Variants in PDIA5 observed in about 807,000 individuals in gnomAD.
The protein encoded by PDIA5 is protein disulfide-isomerase A5.
PDIA5 carries 58 observed loss-of-function variants against 77.6 expected under a neutral mutation model. The observed-to-expected ratio is 0.75, with a 90% CI of 0.61 to 0.93. The LOEUF (loss-of-function observed/expected upper bound fraction) is 0.93. PDIA5 is among the 40% of genes least tolerant of loss of function. The pLI is 0.00. For missense variants in PDIA5, 630 were observed against 647.7 expected (o/e 0.97, Z 0.30); for synonymous variants, 250 against 252.1 (o/e 0.99, Z 0.08).
intron 11 of PDIA5, among the ~76,000 whole-genome samples, chr3:123,131,256 CAA>C (rs1935363712): frequency 6.6e-6 from 1 of 152,010 alleles, no homozygotes. Context: ...AGTAACCAAA[CAA>C]GACCCTGTCT....
Position 123,116,220 on chromosome 3 carries a change from C to A in PDIA5, c.542-11C>A. On this transcript the variant is annotated splice_polypyrimidine_tract_variant and intron_variant, in intron 7 of 16. Transcript: ENST00000316218. ...GTAACCGGATGTGGTCTCTCTCCTG[C>A]CTGTGACCAGGGTGCAGCATGTGCA... The A allele has an allele frequency of 6.2e-7, 1 of 1,613,276 alleles. No individual in the cohort carries two copies. Among genetic ancestry groups the A allele is most frequent in the Non-Finnish European group, 8.5e-7 (1 of 1,179,328 alleles).
rs369579933 is a variant in PDIA5, at chr3:123,152,763, G to A, written c.1274-2208G>A. ...CCCACCATGTCTGCCCCTGCATCCT[G>A]TCTCCCCAGCTTCTGCACAGCTCTT... On this transcript the variant is annotated intron_variant, in intron 14 of 16. Coordinates refer to ENST00000316218, the MANE Select transcript of PDIA5 (RefSeq NM_006810.4). Among the ~76,000 whole-genome samples, 19 of 152,074 alleles carry A rather than the reference G, an allele frequency of 1.2e-4. 1 individual carries two copies. The East Asian group carries it at 3.5e-3, about 28-fold the overall frequency.
chr3:123,083,109 G>T (rs1380998223), intron 1 of PDIA5, among the ~76,000 whole-genome samples: 1 of 151,886 alleles, frequency 6.6e-6, no homozygotes, highest in Non-Finnish European at 1.5e-5. Flanking sequence ...GCAGAGGTGG[G>T]CAGTGAGGAC....
At chr3:123,074,829 T>C (rs545513801) in intron 1 of PDIA5, among the ~76,000 whole-genome samples, 1 of 152,328 alleles carries the variant, frequency 6.6e-6, no homozygotes, top group African/African-American at 2.4e-5. Flanking sequence ...TCCATCCAAA[T>C]TCGTAGACTA....
At chr3:123,072,940 G>A (rs1365150269) in intron 1 of PDIA5, among the ~76,000 whole-genome samples, 1 of 150,250 alleles carries the variant, frequency 6.7e-6, no homozygotes, top group East Asian at 1.9e-4. Context: ...GTGTGTGTGT[G>A]TGTATGTGGT....
chr3:123,157,813 G>A (rs946754762), intron 15 of PDIA5, among the ~76,000 whole-genome samples: 1 of 152,248 alleles, frequency 6.6e-6, no homozygotes, highest in Non-Finnish European at 1.5e-5. Context: ...AAGTGTTAGT[G>A]TTGGAACAGA....
In PDIA5 at chr3:123,150,253, C is replaced by T; in HGVS notation, c.1162C>T (p.Pro388Ser). ...TTGCAGCCCTGAGGCCCCCCCGCCC[C>T]CAGAGCCCACGTGGGAAGAGCAGCA... Reference protein sequence around the residue: ...WMQNPEAPPPPEPTWEEQQTS... With the variant: ...WMQNPEAPPPSEPTWEEQQTS... Residue 388 changes from proline to serine, a missense_variant, in exon 14 of 17, where the codon CCA becomes TCA. Coordinates refer to ENST00000316218, the MANE Select transcript of PDIA5 (RefSeq NM_006810.4). 6.2e-7 allele frequency: 1 copy of T among 1,613,476 alleles called. No individual in the cohort carries two copies. The highest frequency in any genetic ancestry group is 1.1e-5 in the South Asian group (1 of 91,044).
At chr3:123,117,077 C>A (rs1935013646) in intron 8 of PDIA5, among the ~76,000 whole-genome samples, 1 of 151,838 alleles carries the variant, frequency 6.6e-6, no homozygotes, top group Non-Finnish European at 1.5e-5. Flanking sequence ...GGGTCAGTCA[C>A]CAAATGCTCC....
intron 10 of PDIA5, among the ~76,000 whole-genome samples, chr3:123,125,047 G>A (rs1426056797): frequency 6.6e-6 from 1 of 152,106 alleles, no homozygotes; most frequent in Non-Finnish European, 1.5e-5. Flanking sequence ...TGCTAGGCCT[G>A]CTGCTTTGTC....
chr3:123,089,020 G>A, intron 1 of PDIA5, 148 bp from the exon 2 acceptor site: 1 of 678,498 alleles, frequency 1.5e-6, no homozygotes. Flanking sequence ...CCCTAGAGGT[G>A]AAGAAGTAGG....
chr3:123,129,223 C>A (rs1935314902), intron 10 of PDIA5, among the ~76,000 whole-genome samples: 1 of 152,236 alleles, frequency 6.6e-6, no homozygotes. Context: ...TGTCTAGGAC[C>A]ATTGTCTGGC....
chr3:123,110,232 T>C (rs1440740848), intron 6 of PDIA5, among the ~76,000 whole-genome samples: 3 of 152,234 alleles, frequency 2.0e-5, no homozygotes, highest in African/African-American at 7.2e-5. Context: ...GCCTTTATTG[T>C]ATGTATCTAA....
intron 3 of PDIA5, among the ~76,000 whole-genome samples, chr3:123,098,775 C>T (rs1368671328): frequency 1.3e-5 from 2 of 152,138 alleles, no homozygotes; most frequent in East Asian, 3.9e-4. Flanking sequence ...AGGTGAGGGT[C>T]TTTGCACTGC....
chr3:123,133,971 T>TCTTTTCTTTTCTTTTC lies in PDIA5; in HGVS notation c.910+3402_910+3417dup, dbSNP rs1190674214. ...TCTTTCTTTGCAGTGTTGTTTGTTT[T>TCTTTTCTTTTCTTTTC]CTTTTCTTTTCTTTTCCTTTTCTTT... On this transcript the variant is annotated intron_variant, in intron 11 of 16. Transcript: ENST00000316218. Among the ~76,000 whole-genome samples, 12 of 150,888 alleles carry TCTTTTCTTTTCTTTTC rather than the reference T, an allele frequency of 8.0e-5. 1 individual carries two copies. The highest frequency in any genetic ancestry group is 2.2e-4 in the African/African-American group (9 of 41,190).
At chr3:123,113,037 T>A (rs1238398647) in intron 7 of PDIA5, among the ~76,000 whole-genome samples, 2 of 152,204 alleles carry the variant, frequency 1.3e-5, no homozygotes, top group Middle Eastern at 3.2e-3. Flanking sequence ...TCTTTATTAA[T>A]GTTCATTAGT....
chr3:123,115,185 C>A (rs1934966908), intron 7 of PDIA5, among the ~76,000 whole-genome samples: 3 of 152,328 alleles, frequency 2.0e-5, no homozygotes, highest in African/African-American at 7.2e-5. Flanking sequence ...TCAGATGCAT[C>A]TTAAGCCCTG....
chr3:123,139,271 T>A (rs1303996042), intron 11 of PDIA5, among the ~76,000 whole-genome samples: 2 of 152,170 alleles, frequency 1.3e-5, no homozygotes, highest in Non-Finnish European at 2.9e-5. Context: ...AGGGACATCA[T>A]GAAGGCCAGG....
chr3:123,119,906 A>G (rs1233176960), intron 8 of PDIA5, among the ~76,000 whole-genome samples: 2 of 152,140 alleles, frequency 1.3e-5, no homozygotes, highest in Admixed American at 6.5e-5. Context: ...CCTGATTGAC[A>G]TCATTAGGAA....
At chr3:123,088,784 T>C (rs1934207991) in intron 1 of PDIA5, among the ~76,000 whole-genome samples, 1 of 152,250 alleles carries the variant, frequency 6.6e-6, no homozygotes, top group Non-Finnish European at 1.5e-5. Context: ...AAATACAATA[T>C]AAATGCTAAG....
Sources: allele counts gnomAD v4.1 joint callset (sites outside exome capture counted in the v4.1 genomes callset), GRCh38; gene constraint gnomAD v4.1.1; transcripts MANE v1.5; gene names NCBI Gene and HGNC (gene_info 2026-07-23, HGNC 2026-07-21).